The following PLAGL1 variants were observed in gnomAD, a reference collection of about 807,000 sequenced individuals.
PLAGL1 encodes zinc finger protein PLAGL1.
In PLAGL1, 1 loss-of-function variant was observed where a neutral mutation model predicts 4.6. The ratio of observed to expected loss-of-function variants is 0.22; its 90% CI spans 0.08 to 1.03. PLAGL1 has a LOEUF of 1.03. PLAGL1 is among the 50% of genes least tolerant of loss of function. The pLI is 0.58. For missense variants in PLAGL1, 464 were observed against 570.4 expected (o/e 0.81, Z 1.90); for synonymous variants, 240 against 237.8 (o/e 1.01, Z -0.08).
upstream of PLAGL1, among the ~76,000 whole-genome samples, chr6:144,013,398 C>T (rs1057457807): frequency 6.6e-6 from 1 of 152,040 alleles, no homozygotes; most frequent in Non-Finnish European, 1.5e-5. This position sits in a 1 kb window ranked among gnomAD's most constrained non-coding sequence, Gnocchi z 4.4. Flanking sequence ...GCAAAAAGAG[C>T]ATTTGACAAC....
chr6:143,963,467 C>G lies in PLAGL1; in HGVS notation c.-399+1320G>C, dbSNP rs1783803464. 6.6e-6 allele frequency among the ~76,000 whole-genome samples: 1 copy of G among 152,196 alleles called. No individual in the cohort carries two copies. Among genetic ancestry groups the G allele is most frequent in the African/African-American group, 2.4e-5 (1 of 41,448 alleles). On this transcript the variant is annotated intron_variant, in intron 5 of 7. Transcript: ENST00000674357. This position sits in a 1 kb window ranked among gnomAD's most constrained non-coding sequence, Gnocchi z 6.1. ...GCCATCAGAGCTCCCGGATCCTCACCAGGTGATGGCTACTGTTTTAAGAAC... is the reference window on the plus strand; with the variant it reads ...GCCATCAGAGCTCCCGGATCCTCACGAGGTGATGGCTACTGTTTTAAGAAC...
chr6:144,009,445 A>C (rs1794966869), upstream of PLAGL1, among the ~76,000 whole-genome samples: 1 of 152,244 alleles, frequency 6.6e-6, no homozygotes. Flanking sequence ...CATAAATAAA[A>C]AGTGAGTTGG....
In PLAGL1 at chr6:143,957,424, C is replaced by T. The variant is rs1325651725; in HGVS notation, c.-325+3045G>A. On this transcript the variant is annotated intron_variant, in intron 6 of 7. Transcript: ENST00000674357. The surrounding 1 kb of genome is among the most constrained non-coding windows in gnomAD (Gnocchi z 4.2). ...TCCTTTATGATAGCTGAAAATACAT[C>T]CCCCTCCTCACTCCCTAGAAACCCT... 1.3e-5 allele frequency among the ~76,000 whole-genome samples: 2 copies of T among 152,140 alleles called. No homozygotes were observed. Among genetic ancestry groups the T allele is most frequent in the Non-Finnish European group, 2.9e-5 (2 of 68,028 alleles).
Position 144,022,945 on chromosome 6 carries a change from A to G in PLAGL1, c.-151+41523T>C, listed in dbSNP as rs1159377154. On this transcript the variant is annotated intron_variant, in intron 1 of 3. Coordinates refer to the PLAGL1 transcript ENST00000437412. The surrounding 1 kb of genome is among the most constrained non-coding windows in gnomAD (Gnocchi z 4.2). ...TACAAAAACCTGCACATGAATATTT[A>G]TAGCAGCTTTACTCATAATTGCCAA... is the stretch of plus-strand genomic sequence containing the variant. Among the ~76,000 whole-genome samples, 1 of 152,248 alleles carries G rather than the reference A, an allele frequency of 6.6e-6. No individual in the cohort carries two copies. The highest frequency in any genetic ancestry group is 2.4e-5 in the African/African-American group (1 of 41,472).
Position 143,985,358 on chromosome 6 carries a change from C to A in PLAGL1, c.-583-184G>T, listed in dbSNP as rs561774355. ...ACAACCGATATGTTTATATTAATAC[C>A]ATCTACTAGTCTATCGCGATTTCCC... On this transcript the variant is annotated intron_variant, in intron 1 of 7. Coordinates refer to ENST00000674357, the MANE Select transcript of PLAGL1 (RefSeq NM_001317162.2). The surrounding 1 kb of genome is among the most constrained non-coding windows in gnomAD (Gnocchi z 4.4). Among the ~76,000 whole-genome samples the A allele has an allele frequency of 2.6e-5, 4 of 152,054 alleles. No homozygotes were observed. The highest frequency in any genetic ancestry group is 4.1e-4 in the South Asian group (2 of 4,826).
chr6:143,981,920 A>G (rs560496106), intron 2 of PLAGL1, among the ~76,000 whole-genome samples: 2 of 152,194 alleles, frequency 1.3e-5, no homozygotes. Flanking sequence ...TTTGTGGGAT[A>G]TATATGGTGG....
intron 1 of PLAGL1, among the ~76,000 whole-genome samples, chr6:144,051,082 T>C (rs1243348679): frequency 6.6e-6 from 1 of 152,256 alleles, no homozygotes; most frequent in African/African-American, 2.4e-5. Context: ...TAACAGTTTG[T>C]AATATGTAAC....
rs567150350 is a variant in PLAGL1, at chr6:143,986,094, A to G, written c.-583-920T>C. On this transcript the variant is annotated intron_variant, in intron 1 of 7. Transcript: ENST00000674357. ...AGAAAATTGAGGCACCAAGAGGTTT[A>G]CAAGTTGCCTGAAGTCAAACAACTA... Among the ~76,000 whole-genome samples, 36 of 150,714 alleles carry G rather than the reference A, an allele frequency of 2.4e-4. 1 individual carries two copies. In the South Asian group the frequency reaches 5.9e-3, roughly 25 times the overall value.
intron 1 of PLAGL1, among the ~76,000 whole-genome samples, chr6:144,045,003 T>TTTTTTC (rs1278997047): frequency 1.5e-5 from 2 of 136,306 alleles, no homozygotes; most frequent in Admixed American, 1.4e-4. Context: ...ACCCCTGCTT[T>TTTTTTC]TTTTTTTTTT....
Position 143,997,866 on chromosome 6 carries a change from G to A in PLAGL1, c.-584+10224C>T, listed in dbSNP as rs866401008. 3.9e-5 allele frequency among the ~76,000 whole-genome samples: 6 copies of A among 152,136 alleles called. No homozygotes were observed. The highest frequency in any genetic ancestry group is 1.3e-4 in the Admixed American group (2 of 15,270). ...TGGTTACACAGGTGTGCGTATGTGT[G>A]TGTGTGTATAAACTCATCAAGCTAT... On this transcript the variant is annotated intron_variant, in intron 1 of 7. Transcript: ENST00000674357. This position sits in a 1 kb window ranked among gnomAD's most constrained non-coding sequence, Gnocchi z 4.6.
intron 1 of PLAGL1, among the ~76,000 whole-genome samples, chr6:144,058,715 C>T (rs761623736): frequency 1.2e-4 from 18 of 152,166 alleles, no homozygotes; most frequent in Non-Finnish European, 2.6e-4. Flanking sequence ...GTCTGAAACC[C>T]AGCAGGGCAG....
chr6:144,026,021 T>C (rs753510280), intron 1 of PLAGL1, among the ~76,000 whole-genome samples: 7 of 152,180 alleles, frequency 4.6e-5, no homozygotes, highest in African/African-American at 9.7e-5. Flanking sequence ...ATGGACAAAA[T>C]CTACCTCTAA....
intron 1 of PLAGL1, among the ~76,000 whole-genome samples, chr6:143,993,530 C>G (rs1025380837): frequency 6.6e-6 from 1 of 152,076 alleles, no homozygotes; most frequent in Non-Finnish European, 1.5e-5. Context: ...TTCTTCTCCA[C>G]CCCTACACTA....
rs1787152386 is a variant in PLAGL1, at chr6:143,978,257, G to C, written c.-544+6878C>G. The stretch of plus-strand genomic sequence containing the variant: ...GTTTCTCTTTTTCTAGTTTCCAAAG[G>C]TGGAAACTGAGGTTATTGATTTTAG... On this transcript the variant is annotated intron_variant, in intron 2 of 7. Transcript: ENST00000674357. The surrounding 1 kb of genome is among the most constrained non-coding windows in gnomAD (Gnocchi z 4.6). Among the ~76,000 whole-genome samples, 1 of 152,058 alleles carries C rather than the reference G, an allele frequency of 6.6e-6. No individual in the cohort carries two copies. The highest frequency in any genetic ancestry group is 2.4e-5 in the African/African-American group (1 of 41,436).
At position 143,983,059 on chromosome 6, in the gene PLAGL1, G is replaced by A. The variant is rs552579431; in HGVS notation, c.-544+2076C>T. Among the ~76,000 whole-genome samples, 104 of 152,294 alleles carry A rather than the reference G, an allele frequency of 6.8e-4. No homozygotes were observed. The highest frequency in any genetic ancestry group is 1.2e-3 in the Non-Finnish European group (82 of 68,028). The stretch of plus-strand genomic sequence containing the variant: ...GACAAGTACAGAGACTGTGCTCAGG[G>A]ACAGCCAATGTTTGGAGGTCAGGAC... On this transcript the variant is annotated intron_variant, in intron 2 of 7. Coordinates refer to ENST00000674357, the MANE Select transcript of PLAGL1 (RefSeq NM_001317162.2). This position sits in a 1 kb window ranked among gnomAD's most constrained non-coding sequence, Gnocchi z 6.6.
chr6:144,013,467 T>C lies in PLAGL1; in HGVS notation c.-150-44489A>G, dbSNP rs553050155. 4.6e-5 allele frequency among the ~76,000 whole-genome samples: 7 copies of C among 152,242 alleles called. No individual in the cohort carries two copies. Among genetic ancestry groups the C allele is most frequent in the Admixed American group, 2.6e-4 (4 of 15,292 alleles). On this transcript the variant is annotated intron_variant, in intron 1 of 3. Coordinates refer to the PLAGL1 transcript ENST00000437412. The surrounding 1 kb of genome is among the most constrained non-coding windows in gnomAD (Gnocchi z 4.4). ...ATGGAATGGAACTTCCTTAGCCAGA[T>C]AGTGGCTATATTTTATCCTATAGCT...
Position 144,004,490 on chromosome 6 carries a change from A to C in PLAGL1, c.-584+3600T>G, listed in dbSNP as rs2128668430. Among the ~76,000 whole-genome samples the C allele has an allele frequency of 6.6e-6, 1 of 152,400 alleles. No homozygotes were observed. Among genetic ancestry groups the C allele is most frequent in the East Asian group, 1.9e-4 (1 of 5,190 alleles). On this transcript the variant is annotated intron_variant, in intron 1 of 7. Transcript: ENST00000674357. This position sits in a 1 kb window ranked among gnomAD's most constrained non-coding sequence, Gnocchi z 4.2. ...CATGGATGAATACAATGTGAACAAAAGAATAAACTGTATGACTCCGTTTAT... is the reference window on the plus strand; with the variant it reads ...CATGGATGAATACAATGTGAACAAACGAATAAACTGTATGACTCCGTTTAT...
chr6:143,981,118 CTTACTT>C (rs1013283127), intron 2 of PLAGL1, among the ~76,000 whole-genome samples: 61 of 152,188 alleles, frequency 4.0e-4, no homozygotes, highest in Non-Finnish European at 7.6e-4. Flanking sequence ...TCTTGAATGG[CTTACTT>C]TTAAGATTTT....
In PLAGL1 at chr6:143,989,899, C is replaced by T. The variant is rs532459891; in HGVS notation, c.-583-4725G>A. On this transcript the variant is annotated intron_variant, in intron 1 of 7. Coordinates refer to ENST00000674357, the MANE Select transcript of PLAGL1 (RefSeq NM_001317162.2). This position sits in a 1 kb window ranked among gnomAD's most constrained non-coding sequence, Gnocchi z 4.8. Reference sequence around the variant, plus strand: ...ACACATAACATCTCTCTGTTAACATCCCTACTTAATGCTTCTGTGAGAAAA... The same window carrying T: ...ACACATAACATCTCTCTGTTAACATTCCTACTTAATGCTTCTGTGAGAAAA... Among the ~76,000 whole-genome samples, 81 of 152,250 alleles carry T rather than the reference C, an allele frequency of 5.3e-4. No homozygotes were observed. Among genetic ancestry groups the T allele is most frequent in the African/African-American group, 1.9e-3 (78 of 41,562 alleles).
Sources: allele counts gnomAD v4.1 joint callset (sites outside exome capture counted in the v4.1 genomes callset), GRCh38; gene constraint gnomAD v4.1.1; non-coding constraint Gnocchi (gnomAD v3.1); transcripts MANE v1.5; gene names NCBI Gene and HGNC (gene_info 2026-07-23, HGNC 2026-07-21).